PAPPA2: variants seen among roughly 807,000 people sequenced by gnomAD.
The protein encoded by PAPPA2 is pappalysin 2.
Under a neutral mutation model 176.4 loss-of-function variants are expected in PAPPA2, and 86 were observed. The ratio of observed to expected loss-of-function variants is 0.49; its 90% CI spans 0.41 to 0.58. The LOEUF (loss-of-function observed/expected upper bound fraction) is 0.58. Ranked by LOEUF, PAPPA2 falls within the 20% of genes least tolerant of loss-of-function variation. The probability of loss-of-function intolerance (pLI) is 0.00; values close to 1 mark genes in which losing one functional copy is unlikely to be tolerated. For missense variants in PAPPA2, 2,073 were observed against 2,256.9 expected (o/e 0.92, Z 1.65); for synonymous variants, 809 against 852.2 (o/e 0.95, Z 0.88).
intron 1 of PAPPA2, among the ~76,000 whole-genome samples, chr1:176,539,594 G>A (rs1465654091): frequency 1.3e-5 from 2 of 152,316 alleles, no homozygotes; most frequent in Admixed American, 6.5e-5. Context: ...CAAGGTGCTG[G>A]TTATGACTCC....
At chr1:176,562,656 C>T (rs972299449) in intron 2 of PAPPA2, among the ~76,000 whole-genome samples, 2 of 152,206 alleles carry the variant, frequency 1.3e-5, no homozygotes, top group Non-Finnish European at 2.9e-5. Flanking sequence ...TAAGCATGGA[C>T]GACCCATGGA....
intron 14 of PAPPA2, among the ~76,000 whole-genome samples, chr1:176,763,548 GCAAAT>G (rs1487989462): frequency 2.0e-5 from 3 of 152,110 alleles, no homozygotes; most frequent in East Asian, 3.9e-4. Context: ...TCGTAACTTA[GCAAAT>G]TTTTATTGTG....
chr1:176,499,261 G>A (rs565785256), intron 1 of PAPPA2, among the ~76,000 whole-genome samples: 1 of 152,168 alleles, frequency 6.6e-6, no homozygotes, highest in Non-Finnish European at 1.5e-5. Flanking sequence ...TTAAATTCTT[G>A]TATCCAAAGA....
intron 3 of PAPPA2, among the ~76,000 whole-genome samples, chr1:176,632,434 C>G (rs1171438918): frequency 1.3e-5 from 2 of 151,890 alleles, no homozygotes; most frequent in Non-Finnish European, 2.9e-5. Context: ...GAGGCTGAGG[C>G]AGGAGAATGG....
chr1:176,632,260 TGTGA>T (rs919890964), intron 3 of PAPPA2, among the ~76,000 whole-genome samples: 1 of 151,756 alleles, frequency 6.6e-6, no homozygotes, highest in Admixed American at 6.6e-5. Context: ...TGTGTGTGTG[TGTGA>T]GAACAGCTCT....
At chr1:176,745,848 T>C (rs1208632188) in intron 14 of PAPPA2, among the ~76,000 whole-genome samples, 1 of 152,018 alleles carries the variant, frequency 6.6e-6, no homozygotes, top group Non-Finnish European at 1.5e-5. Context: ...CTCACTGGGG[T>C]GCAGGTAAAA....
chr1:176,602,392 G>A (rs1331154701), intron 3 of PAPPA2, among the ~76,000 whole-genome samples: 1 of 152,164 alleles, frequency 6.6e-6, no homozygotes, highest in Admixed American at 6.5e-5. Context: ...TAGAAAGGGT[G>A]TATCTTGGGA....
At chr1:176,493,542 C>T (rs763247264) in intron 1 of PAPPA2, among the ~76,000 whole-genome samples, 5 of 152,152 alleles carry the variant, frequency 3.3e-5, no homozygotes, top group Non-Finnish European at 4.4e-5. Flanking sequence ...ATGCTGCTTC[C>T]CTTCTCAGGA....
intron 2 of PAPPA2, 61 bp downstream of exon 2, chr1:176,557,302 G>A (rs2102592349): frequency 2.7e-6 from 4 of 1,488,496 alleles, no homozygotes; most frequent in South Asian, 2.6e-5. Flanking sequence ...TATTTCTGAC[G>A]GGTTAGACAT....
At chr1:176,667,735 A>G (rs1658749729) in intron 3 of PAPPA2, among the ~76,000 whole-genome samples, 1 of 152,108 alleles carries the variant, frequency 6.6e-6, no homozygotes, top group Non-Finnish European at 1.5e-5. Context: ...TCTACATGCC[A>G]ATTTTTGATA....
chr1:176,539,308 A>T (rs528334105), intron 1 of PAPPA2, among the ~76,000 whole-genome samples: 1 of 152,314 alleles, frequency 6.6e-6, no homozygotes, highest in South Asian at 2.1e-4. Flanking sequence ...GGCGGTTGCC[A>T]GGGGCAGGTT....
chr1:176,761,472 GGACATCGTGCA>G (rs1663698133), intron 14 of PAPPA2, among the ~76,000 whole-genome samples: 1 of 152,204 alleles, frequency 6.6e-6, no homozygotes, highest in Admixed American at 6.5e-5. Context: ...ACACTGGGCA[GGACATCGTGCA>G]GACAGCAGCA....
At chr1:176,683,729 A>G (rs937734160) in intron 4 of PAPPA2, among the ~76,000 whole-genome samples, 2 of 152,118 alleles carry the variant, frequency 1.3e-5, no homozygotes, top group Non-Finnish European at 2.9e-5. Context: ...AATTTCTGGC[A>G]GGCTCTGTTG....
chr1:176,573,301 A>G (rs1351302924), intron 2 of PAPPA2, among the ~76,000 whole-genome samples: 1 of 152,190 alleles, frequency 6.6e-6, no homozygotes, highest in Non-Finnish European at 1.5e-5. Context: ...GTTTAGGTGG[A>G]AGATCATCTT....
intron 2 of PAPPA2, among the ~76,000 whole-genome samples, chr1:176,579,779 T>C (rs1652858322): frequency 6.6e-6 from 1 of 152,236 alleles, no homozygotes. Flanking sequence ...GATGACTTGC[T>C]CAACTTCTCT....
At chr1:176,615,557 G>T (rs1181222674) in intron 3 of PAPPA2, among the ~76,000 whole-genome samples, 2 of 152,048 alleles carry the variant, frequency 1.3e-5, no homozygotes, top group Non-Finnish European at 2.9e-5. Flanking sequence ...TCGATATCCT[G>T]ACCTCGTGAT....
chr1:176,828,280 C>T (rs560033352), intron 21 of PAPPA2, among the ~76,000 whole-genome samples: 43 of 152,232 alleles, frequency 2.8e-4, no homozygotes, highest in Middle Eastern at 3.4e-3. Context: ...TGCAAGGGTT[C>T]ATAAAACCAC....
chr1:176,657,486 G>A (rs1264602282), intron 3 of PAPPA2, among the ~76,000 whole-genome samples: 2 of 152,012 alleles, frequency 1.3e-5, no homozygotes, highest in South Asian at 2.1e-4. Flanking sequence ...AAAGCGTGGA[G>A]TTTGTATTCA....
chr1:176,674,188 G>A lies in PAPPA2; in HGVS notation c.2137+3073G>A, dbSNP rs1035456140. Among the ~76,000 whole-genome samples the A allele has an allele frequency of 3.9e-5, 6 of 152,176 alleles. 1 individual carries two copies. The highest frequency in any genetic ancestry group is 3.9e-4 in the Admixed American group (6 of 15,276). The stretch of plus-strand genomic sequence containing the variant: ...GGCCTTGTCAAGGAGGAGGGGCTCT[G>A]AGACACCCTCTGTGCAAGGGTAAAC... On this transcript the variant is annotated intron_variant, in intron 4 of 22. Coordinates refer to ENST00000367662, the MANE Select transcript of PAPPA2 (RefSeq NM_020318.3).
Sources: gnomAD v4.1 joint callset for allele counts (sites outside exome capture counted in the v4.1 genomes callset) on GRCh38, gnomAD v4.1.1 for gene constraint, MANE v1.5 for transcripts, NCBI Gene and HGNC (gene_info 2026-07-23, HGNC 2026-07-21) for gene names.